GATA2: variants seen among roughly 807,000 people sequenced by gnomAD.
The protein encoded by GATA2 is GATA binding protein 2, also known as endothelial transcription factor GATA-2.
GATA2 carries 6 observed loss-of-function variants against 35.7 expected under a neutral mutation model. The ratio of observed to expected loss-of-function variants is 0.17; its 90% confidence interval spans 0.09 to 0.33. The LOEUF (loss-of-function observed/expected upper bound fraction) is 0.33, where lower values mean the gene tolerates loss of function less well. Among genes scored for constraint, GATA2 ranks in the 10% least tolerant of loss-of-function variants. GATA2 has a pLI of 1.00. For missense variants in GATA2, 541 were observed against 656.6 expected, an observed-to-expected ratio of 0.82 and a Z score of 1.92; for synonymous variants, 313 against 274.9, an observed-to-expected ratio of 1.14 and a Z score of -1.37.
intron 1 of GATA2, chr3:128,492,307 G>A (rs2068786027): frequency 6.6e-6 from 1 of 152,256 alleles, no homozygotes; most frequent in Non-Finnish European, 1.5e-5. Context: ...AGATCTTCAA[G>A]CCCGCGGCGG....
At chr3:128,481,398 G>A (rs1296561174) in intron 5 of GATA2, 80 bp from the exon 6 acceptor site, 14 of 1,513,260 alleles carry the variant, frequency 9.3e-6, no homozygotes, top group Non-Finnish European at 1.2e-5. Flanking sequence ...GCGTGGACCA[G>A]AGGCAGGTCA....
At chr3:128,483,723 G>T in intron 4 of GATA2, 137 bp downstream of exon 4, 1 of 1,215,726 alleles carries the variant, frequency 8.2e-7, no homozygotes, top group Non-Finnish European at 1.2e-6. Flanking sequence ...GACCCCAACT[G>T]ACATCCCAGT....
At chr3:128,483,611 C>T (rs1339145135) in intron 4 of GATA2, among the ~76,000 whole-genome samples, 3 of 152,176 alleles carry the variant, frequency 2.0e-5, no homozygotes, top group Admixed American at 6.5e-5. Context: ...CACTCAACTT[C>T]GGGGATCCCG....
At chr3:128,482,627 G>A (rs1271508184) in intron 4 of GATA2, among the ~76,000 whole-genome samples, 1 of 152,178 alleles carries the variant, frequency 6.6e-6, no homozygotes, top group African/African-American at 2.4e-5. Flanking sequence ...TCCAGCTGAT[G>A]TGAGTGCTGA....
rs375298899 is a variant in GATA2 at position 128,485,916 on chromosome 3, G to A, written c.682C>T (p.Pro228Ser). The A allele has an allele frequency of 2.5e-6, 4 of 1,614,168 alleles. No individual in the cohort carries two copies. Among genetic ancestry groups the A allele is most frequent in the Non-Finnish European group, 1.7e-6 (2 of 1,180,014 alleles). ...TESMKMESGS[P>S]LRPGLATMGT... ...ATAGTAGCTAGGCCTGGGCGCAGGG[G>A]ACTGCCACTTTCCATCTTCATGCTC... The change falls in exon 3 of 6, where the codon CCC (proline) becomes TCC (serine). Residue 228 changes from proline (P) to serine (S), a missense_variant. Transcript: ENST00000341105.
At chr3:128,483,399 C>T (rs2068654919) in intron 4 of GATA2, among the ~76,000 whole-genome samples, 1 of 152,152 alleles carries the variant, frequency 6.6e-6, no homozygotes, top group Non-Finnish European at 1.5e-5. Flanking sequence ...TGAAAATACA[C>T]AGTATAGGTG....
chr3:128,483,206 G>C lies in GATA2; in HGVS notation c.1017+654C>G, dbSNP rs936113475. Among the ~76,000 whole-genome samples the C allele has an allele frequency of 1.3e-5, 2 of 152,246 alleles. No homozygotes were observed. The highest frequency in any genetic ancestry group is 2.9e-5 in the Non-Finnish European group (2 of 68,050). ...CTTAGCATTTTACGCATTATTTGCA[G>C]AGTGGAGGGTATTAGAAATTTCAAA... is the stretch of plus-strand genomic sequence containing the variant. On this transcript the variant is annotated intron_variant, in intron 4 of 5. Coordinates refer to ENST00000341105, the MANE Select transcript of GATA2 (RefSeq NM_032638.5).
In GATA2 at chr3:128,485,999, C is replaced by G. The variant is rs373477245; in HGVS notation, c.599G>C (p.Gly200Ala). 48 of 1,614,042 alleles carry G rather than the reference C, an allele frequency of 3.0e-5. No individual in the cohort carries two copies. The highest frequency in any genetic ancestry group is 4.0e-5 in the Non-Finnish European group (47 of 1,180,022). ...CTTGTCCTCTCCTCGGGCTGCACTA[C>G]CCCCCGCGGAAGATGAGGCTGGAGA... ...AASPASSSAG[G>A]SAARGEDKDG... Residue 200 changes from glycine to alanine, a missense_variant, in exon 3 of 6, where the codon GGT (glycine) becomes GCT (alanine). Coordinates refer to ENST00000341105, the MANE Select transcript of GATA2 (RefSeq NM_032638.5).
Position 128,481,939 on chromosome 3 carries a change from G to T in GATA2, c.1023C>A (p.Ala341=), listed in dbSNP as rs376360090. Residue 341 remains alanine, a synonymous_variant, in exon 5 of 6, where the codon GCC becomes GCA. Coordinates refer to ENST00000341105, the MANE Select transcript of GATA2 (RefSeq NM_032638.5). The part of the protein sequence containing the change: ...PLIKPKRRLS[A]ARRAGTCCAN... The stretch of plus-strand genomic sequence containing the variant: ...CACAACAGGTGCCGGCTCTTCTGGC[G>T]GCCGACTGGGAGGGCAAGGCAGCGT... 5 of 1,613,362 alleles carry T rather than the reference G, an allele frequency of 3.1e-6. No homozygotes were observed. The highest frequency in any genetic ancestry group is 4.2e-6 in the Non-Finnish European group (5 of 1,179,968).
In GATA2 at chr3:128,483,875, C is replaced by A; in HGVS notation, c.1002G>T (p.Lys334Asn). The change falls in exon 4 of 6, where the codon AAG becomes AAT. Residue 334 changes from lysine (K) to asparagine (N), a missense_variant. Lys to Asn is a moderately conservative substitution (Grantham distance 94, BLOSUM62 0). Transcript: ENST00000341105. The part of the protein sequence containing the change: ...KMNGQNRPLI[K>N]PKRRLSAARR... ...CCGCTCCTACCAGTCTTCGCTTGGG[C>A]TTGATGAGTGGTCGGTTCTGCCCAT... 1 of 1,614,196 alleles carries A rather than the reference C, an allele frequency of 6.2e-7. No homozygotes were observed. The highest frequency in any genetic ancestry group is 8.5e-7 in the Non-Finnish European group (1 of 1,180,038).
Position 128,487,052 on chromosome 3 carries a change from G to A in GATA2, c.-21C>T, listed in dbSNP as rs1276588426. The A allele has an allele frequency of 6.4e-7, 1 of 1,551,724 alleles. No individual in the cohort carries two copies. On this transcript the variant is annotated 5_prime_UTR_variant, in exon 2 of 6. Coordinates refer to ENST00000341105, the MANE Select transcript of GATA2 (RefSeq NM_032638.5). The stretch of plus-strand genomic sequence containing the variant: ...TCCATGGCCGGCGGCGGCGGCTCAG[G>A]GTCTGGGTGCAGACGGCAACGGCCC...
intron 1 of GATA2, chr3:128,490,098 G>T (rs1289963166): frequency 2.0e-5 from 3 of 152,206 alleles, no homozygotes; most frequent in Admixed American, 6.5e-5. Context: ...CCACCGGCGC[G>T]GTAAAAATTA....
chr3:128,492,700 G>A (rs954705297), intron 1 of GATA2, among the ~76,000 whole-genome samples, 199 bp downstream of exon 1: 1 of 152,216 alleles, frequency 6.6e-6, no homozygotes, highest in African/African-American at 2.4e-5. Context: ...CCCGAGGCGG[G>A]CCTGCTGTGC....
At chr3:128,485,681 C>A in intron 3 of GATA2, 46 bp downstream of exon 3, 1 of 1,599,626 alleles carries the variant, frequency 6.3e-7, no homozygotes, top group Non-Finnish European at 8.5e-7. Context: ...ACCACAAAAA[C>A]GCAAATGCTC....
chr3:128,480,528 GA>G lies in GATA2; in HGVS notation c.*490del, dbSNP rs2068611431. On this transcript the variant is annotated 3_prime_UTR_variant, in exon 6 of 6. Coordinates refer to ENST00000341105, the MANE Select transcript of GATA2 (RefSeq NM_032638.5). Reference sequence around the variant, plus strand: ...CTGGAGTTCGGCTATTTCAGAGAGGGAAGCCAGAGGAGAAGAGGGTGCAGGC... The same window carrying G: ...CTGGAGTTCGGCTATTTCAGAGAGGGAGCCAGAGGAGAAGAGGGTGCAGGC... 1.2e-5 allele frequency: 3 copies of G among 248,716 alleles called. No homozygotes were observed. The highest frequency in any genetic ancestry group is 2.3e-5 in the Non-Finnish European group (3 of 128,538). The allele number at this position is 248,716 out of a possible 1,614,324, so 15.4% of individuals were successfully genotyped here.
At chr3:128,485,244 G>A (rs1330734909) in intron 3 of GATA2, among the ~76,000 whole-genome samples, 6 of 152,202 alleles carry the variant, frequency 3.9e-5, no homozygotes, top group African/African-American at 1.2e-4. Flanking sequence ...AGATCAGACT[G>A]ATTGAGTTAG....
At chr3:128,485,355 AAC>A (rs1452993572) in intron 3 of GATA2, among the ~76,000 whole-genome samples, 1 of 152,162 alleles carries the variant, frequency 6.6e-6, no homozygotes, top group African/African-American at 2.4e-5. Flanking sequence ...CACGCTCCCA[AAC>A]ACATGCACAT....
At position 128,487,047 on chromosome 3, in the gene GATA2, C is replaced by T. The variant is rs1357127084; in HGVS notation, c.-16G>A. 8.3e-6 allele frequency: 13 copies of T among 1,559,246 alleles called. No homozygotes were observed. The highest frequency in any genetic ancestry group is 1.1e-5 in the Non-Finnish European group (13 of 1,152,922). Reference sequence around the variant, plus strand: ...CCACCTCCATGGCCGGCGGCGGCGGCTCAGGGTCTGGGTGCAGACGGCAAC... The same window carrying T: ...CCACCTCCATGGCCGGCGGCGGCGGTTCAGGGTCTGGGTGCAGACGGCAAC... On this transcript the variant is annotated 5_prime_UTR_variant, in exon 2 of 6. Coordinates refer to ENST00000341105, the MANE Select transcript of GATA2 (RefSeq NM_032638.5).
intron 4 of GATA2, among the ~76,000 whole-genome samples, chr3:128,482,486 T>C (rs1358601405): frequency 6.6e-6 from 1 of 152,104 alleles, no homozygotes; most frequent in Non-Finnish European, 1.5e-5. Flanking sequence ...TTAAATAAGA[T>C]CTAACTACAA....
Sources: allele counts gnomAD v4.1 joint callset (sites outside exome capture counted in the v4.1 genomes callset), GRCh38; gene constraint gnomAD v4.1.1; transcripts MANE v1.5; gene names NCBI Gene and HGNC (gene_info 2026-07-23, HGNC 2026-07-21).